Variants in AKAP19 observed in about 807,000 individuals in gnomAD.
The protein encoded by AKAP19 is A-kinase anchoring protein 19, also known as small A-kinase anchoring protein.
chr2:189,947,703 T>C, the AKAP19 span, among the ~76,000 whole-genome samples: 1 of 152,096 alleles, frequency 6.6e-6, no homozygotes, highest in Admixed American at 6.5e-5. Context: ...TAACCCTATA[T>C]GGATTATGTA....
chr2:189,991,403 G>A, the AKAP19 span, among the ~76,000 whole-genome samples: 1 of 152,034 alleles, frequency 6.6e-6, no homozygotes, highest in East Asian at 1.9e-4. Context: ...CAAGAGTAAG[G>A]TAGTATCTCA....
the AKAP19 span, among the ~76,000 whole-genome samples, chr2:190,084,997 G>A: frequency 0.012 from 1,878 of 152,176 alleles, 20 homozygotes; most frequent in Admixed American, 0.02. Context: ...TCTACTTTCT[G>A]CCCCTGCTGC....
chr2:189,950,461 G>A, the AKAP19 span, among the ~76,000 whole-genome samples: 3 of 151,718 alleles, frequency 2.0e-5, no homozygotes, highest in African/African-American at 4.8e-5. Context: ...TTAGGATTAG[G>A]ATAAGTCTCT....
At chr2:189,930,694 A>G in the AKAP19 span, 1 of 486,570 alleles carries the variant, frequency 2.1e-6, no homozygotes, top group South Asian at 2.8e-5. Flanking sequence ...AAAAAAAAGA[A>G]ATTGAATTGG....
chr2:189,995,151 G>C, the AKAP19 span, among the ~76,000 whole-genome samples: 1 of 152,044 alleles, frequency 6.6e-6, no homozygotes, highest in South Asian at 2.1e-4. Context: ...TTTGTTCTAG[G>C]GTATAGTTTA....
the AKAP19 span, among the ~76,000 whole-genome samples, chr2:190,085,717 G>A: frequency 6.6e-6 from 1 of 152,142 alleles, no homozygotes; most frequent in Non-Finnish European, 1.5e-5. Context: ...TGACCTCACT[G>A]TCAATGGAAA....
chr2:189,917,457 G>T, the AKAP19 span: 1 of 706,194 alleles, frequency 1.4e-6, no homozygotes, highest in South Asian at 1.6e-5. Context: ...ATGTTTTTCA[G>T]GAATTACTGG....
chr2:190,125,686 GCA>G, the AKAP19 span, among the ~76,000 whole-genome samples: 1 of 152,070 alleles, frequency 6.6e-6, no homozygotes, highest in Non-Finnish European at 1.5e-5. Flanking sequence ...GGATAACATG[GCA>G]CTCTAAAGGC....
chr2:190,127,662 C>G, the AKAP19 span, among the ~76,000 whole-genome samples: 3 of 151,906 alleles, frequency 2.0e-5, no homozygotes, highest in Non-Finnish European at 2.9e-5. Context: ...CAAACCATAC[C>G]AAGAAGGCAA....
the AKAP19 span, among the ~76,000 whole-genome samples, chr2:190,115,309 T>A: frequency 0.022 from 428 of 19,564 alleles, no homozygotes; most frequent in South Asian, 0.034. Flanking sequence ...ATATTTTTTT[T>A]TTTTTTTTTT....
At chr2:190,060,463 G>T in the AKAP19 span, 1 of 1,593,588 alleles carries the variant, frequency 6.3e-7, no homozygotes, top group Non-Finnish European at 8.5e-7. Flanking sequence ...AAGAAAAGTT[G>T]CTGAAATTAT....
At chr2:189,958,005 G>C in the AKAP19 span, among the ~76,000 whole-genome samples, 1 of 152,092 alleles carries the variant, frequency 6.6e-6, no homozygotes, top group Admixed American at 6.6e-5. Context: ...TGTTGGCCAG[G>C]CTGGTCTCGA....
At chr2:190,090,957 C>G in the AKAP19 span, 1 of 152,170 alleles carries the variant, frequency 6.6e-6, no homozygotes, top group Non-Finnish European at 1.5e-5. Context: ...AGCACAATAC[C>G]TGGCACATAA....
chr2:190,060,805 A>C, the AKAP19 span, among the ~76,000 whole-genome samples: 1 of 151,980 alleles, frequency 6.6e-6, no homozygotes, highest in Non-Finnish European at 1.5e-5. Flanking sequence ...TGGGAATCTG[A>C]GTAGTTACAC....
At chr2:190,134,814 G>A in the AKAP19 span, among the ~76,000 whole-genome samples, 1 of 145,090 alleles carries the variant, frequency 6.9e-6, no homozygotes, top group Non-Finnish European at 1.5e-5. Flanking sequence ...ATTCTATATT[G>A]TTAAATACTG....
the AKAP19 span, among the ~76,000 whole-genome samples, chr2:190,038,901 T>TTCTTCCTC: frequency 6.5e-5 from 3 of 46,002 alleles, 1 homozygote; most frequent in Non-Finnish European, 1.4e-4. Flanking sequence ...TCTTTCTTTC[T>TTCTTCCTC]TTCTTCTTCT....
At chr2:190,190,168 TAAGATA>T in the AKAP19 span, among the ~76,000 whole-genome samples, 2 of 152,162 alleles carry the variant, frequency 1.3e-5, no homozygotes, top group East Asian at 3.8e-4. Context: ...ACATACCAAT[TAAGATA>T]TAGAATTTTT....
the AKAP19 span, among the ~76,000 whole-genome samples, chr2:190,061,952 T>G: frequency 6.6e-6 from 1 of 152,108 alleles, no homozygotes; most frequent in Non-Finnish European, 1.5e-5. Flanking sequence ...TGTGAAAGCA[T>G]AAGCATGCTA....
At chr2:189,926,691 C>G in the AKAP19 span, among the ~76,000 whole-genome samples, 2 of 149,888 alleles carry the variant, frequency 1.3e-5, no homozygotes, top group African/African-American at 4.9e-5. Context: ...CGCCATTCTC[C>G]TGCCTCAGCC....
Sources: allele counts gnomAD v4.1 joint callset (sites outside exome capture counted in the v4.1 genomes callset), GRCh38; gene constraint gnomAD v4.1.1; transcripts MANE v1.5; gene names NCBI Gene and HGNC (gene_info 2026-07-23, HGNC 2026-07-21).